Variants in CNTNAP3 observed in about 807,000 individuals in gnomAD.
CNTNAP3 encodes contactin associated protein family member 3.
CNTNAP3 carries 36 observed loss-of-function variants against 92.1 expected under a neutral mutation model. The ratio of observed to expected loss-of-function variants is 0.39; its 90% confidence interval spans 0.30 to 0.52. The LOEUF (loss-of-function observed/expected upper bound fraction) is 0.52, where lower values mean the gene tolerates loss of function less well. Ranked by LOEUF, CNTNAP3 falls within the 20% of genes least tolerant of loss-of-function variation. The probability of loss-of-function intolerance (pLI) is 0.76; values close to 1 mark genes in which losing one functional copy is unlikely to be tolerated. For synonymous variants in CNTNAP3, 232 were observed against 422.3 expected, an observed-to-expected ratio of 0.55 and a Z score of 5.53; for missense variants, 534 against 1,069.6, an observed-to-expected ratio of 0.50 and a Z score of 6.98.
chr9:39,097,887 A>G (rs1208497286), intron 18 of CNTNAP3, among the ~76,000 whole-genome samples: 2 of 150,980 alleles, frequency 1.3e-5, no homozygotes, highest in South Asian at 2.1e-4. Flanking sequence ...TTTTAAAATA[A>G]TAATTTTTAC....
intron 17 of CNTNAP3, among the ~76,000 whole-genome samples, chr9:39,101,559 G>A (rs1826455935): frequency 7.1e-6 from 1 of 141,002 alleles, no homozygotes; most frequent in Non-Finnish European, 1.6e-5. Context: ...AAGAACAGAT[G>A]AGCCAGACCA....
intron 13 of CNTNAP3, among the ~76,000 whole-genome samples, chr9:39,120,559 A>T (rs1820993720): frequency 6.6e-6 from 1 of 151,958 alleles, no homozygotes; most frequent in Non-Finnish European, 1.5e-5. Context: ...AGTCCCAGCT[A>T]CTCAGGAGGC....
intron 8 of CNTNAP3, among the ~76,000 whole-genome samples, chr9:39,168,018 TTTTG>T: frequency 6.8e-6 from 1 of 146,246 alleles, no homozygotes; most frequent in African/African-American, 2.6e-5. Context: ...TTTTTTTTGT[TTTTG>T]TTTTTTTTTT....
chr9:39,070,979 G>T lies in CNTNAP3; in HGVS notation c.*2911C>A, dbSNP rs1401580431. ...AGGCAGGAAGGTGGGCTTCTCTATG[G>T]ATTGAAGTTAAGAGAGAGAAGTGCC... On this transcript the variant is annotated 3_prime_UTR_variant, in exon 24 of 24. Coordinates refer to ENST00000297668, the MANE Select transcript of CNTNAP3 (RefSeq NM_033655.5). Among the ~76,000 whole-genome samples, 1 of 152,234 alleles carries T rather than the reference G, an allele frequency of 6.6e-6. No homozygotes were observed. Among genetic ancestry groups the T allele is most frequent in the Non-Finnish European group, 1.5e-5 (1 of 68,008 alleles).
rs758022327 is a variant in CNTNAP3, at chr9:39,133,070, T to C, written c.1942A>G (p.Ser648Gly). ...PDAVTLRGAP[S>G]GHPRSAVSFA... Reference sequence around the variant, plus strand: ...GACACAGCCGAGCGCGGGTGCCCGCTGGGGGCACCTCGGAGGGTCACCGCG... The same window carrying C: ...GACACAGCCGAGCGCGGGTGCCCGCCGGGGGCACCTCGGAGGGTCACCGCG... The change falls in exon 13 of 24, where the codon AGC becomes GGC. Residue 648 changes from serine (S) to glycine (G), a missense_variant. Transcript: ENST00000297668. The C allele has an allele frequency of 1.3e-6, 2 of 1,561,482 alleles. No individual in the cohort carries two copies. Among genetic ancestry groups the C allele is most frequent in the South Asian group, 2.3e-5 (2 of 85,820 alleles).
At chr9:39,124,542 A>G (rs1433862301) in intron 13 of CNTNAP3, among the ~76,000 whole-genome samples, 1 of 152,226 alleles carries the variant, frequency 6.6e-6, no homozygotes, top group African/African-American at 2.4e-5. Context: ...GGTTCTGCAC[A>G]GCAAAAGAAA....
chr9:39,109,759 T>G (rs1826697740), intron 14 of CNTNAP3, among the ~76,000 whole-genome samples: 1 of 152,144 alleles, frequency 6.6e-6, no homozygotes, highest in South Asian at 2.1e-4. Context: ...GGTTATCAAC[T>G]CCTGACCCGT....
chr9:39,122,083 G>A (rs576024510), intron 13 of CNTNAP3, among the ~76,000 whole-genome samples: 2,136 of 152,248 alleles, frequency 0.014, 29 homozygotes, highest in African/African-American at 0.045. Context: ...GGCCGGGCGC[G>A]GTGGCTCACG....
intron 21 of CNTNAP3, chr9:39,085,518 T>C (rs1164878491): frequency 1.8e-6 from 1 of 543,790 alleles, no homozygotes; most frequent in Admixed American, 3.2e-5. Context: ...AGAGGTTAAG[T>C]GTGGAGGTAT....
rs12686330 is a variant in CNTNAP3 at position 39,120,096 on chromosome 9, A to G, written c.2081-1837T>C. ...AAGACACAAACCCAGAGATTTAGGA[A>G]GTAAAGTTTAAGTCCAAAAAAGGAT... is the stretch of plus-strand genomic sequence containing the variant. On this transcript the variant is annotated intron_variant, in intron 13 of 23. Transcript: ENST00000297668. Among the ~76,000 whole-genome samples, 34 of 152,288 alleles carry G rather than the reference A, an allele frequency of 2.2e-4. 1 individual carries two copies. In the East Asian group the frequency reaches 5.0e-3, roughly 22 times the overall value.
At chr9:39,133,206 T>C (rs1219866930) in intron 12 of CNTNAP3, 71 bp from the exon 13 acceptor site, 1 of 1,478,106 alleles carries the variant, frequency 6.8e-7, no homozygotes, top group Non-Finnish European at 9.1e-7. Context: ...AAAGCAGACC[T>C]GTCTTTTATG....
At position 39,136,855 on chromosome 9, in the gene CNTNAP3, G is replaced by A. The variant is rs934419467; in HGVS notation, c.1876+3664C>T. Among the ~76,000 whole-genome samples the A allele has an allele frequency of 5.5e-4, 84 of 152,106 alleles. 4 individuals are homozygous for A. Among genetic ancestry groups the A allele is most frequent in the Non-Finnish European group, 1.9e-4 (13 of 68,008 alleles). On this transcript the variant is annotated intron_variant, in intron 12 of 23. Transcript: ENST00000297668. Reference sequence around the variant, plus strand: ...GGCGGAGTTGTGGTGAGCCAAGATCGTACCATTGCACTCCAGCCTGGGCAA... The same window carrying A: ...GGCGGAGTTGTGGTGAGCCAAGATCATACCATTGCACTCCAGCCTGGGCAA...
intron 14 of CNTNAP3, among the ~76,000 whole-genome samples, chr9:39,116,709 T>G (rs1304916356): frequency 6.6e-6 from 1 of 152,098 alleles, no homozygotes; most frequent in African/African-American, 2.4e-5. Context: ...TATGATCATT[T>G]AGTAATTTTG....
chr9:39,114,725 T>C (rs1443427900), intron 14 of CNTNAP3, among the ~76,000 whole-genome samples: 2 of 152,166 alleles, frequency 1.3e-5, no homozygotes, highest in African/African-American at 4.8e-5. Flanking sequence ...CTTGTATGCA[T>C]TTAAACCATC....
rs1825657346 is a variant in CNTNAP3 at position 39,072,786 on chromosome 9, T to TTA, written c.*1103_*1104insTA. 1 of 152,222 alleles carries TTA rather than the reference T, an allele frequency of 6.6e-6. No individual in the cohort carries two copies. The allele number at this position is 152,222 out of a possible 1,614,324, so 9.4% of individuals were successfully genotyped here. A position where few individuals can be genotyped will look rare whatever the true frequency, so the allele number is the denominator to read the frequency against. On this transcript the variant is annotated 3_prime_UTR_variant, in exon 24 of 24. Coordinates refer to ENST00000297668, the MANE Select transcript of CNTNAP3 (RefSeq NM_033655.5). ...GTGATCTTCAGTTAAGCTATTTTTTTAATAAATTGAAAAGATGTTCTGTAC... is the reference window on the plus strand; with the variant it reads ...GTGATCTTCAGTTAAGCTATTTTTTTTAAATAAATTGAAAAGATGTTCTGTAC...
chr9:39,083,273 C>T (rs897781166), intron 21 of CNTNAP3, among the ~76,000 whole-genome samples: 1 of 152,092 alleles, frequency 6.6e-6, no homozygotes, highest in Non-Finnish European at 1.5e-5. Context: ...CAACTGTTTA[C>T]AGGCTAATTT....
chr9:39,081,825 T>C (rs1825944808), intron 21 of CNTNAP3, among the ~76,000 whole-genome samples: 1 of 150,714 alleles, frequency 6.6e-6, no homozygotes, highest in Non-Finnish European at 1.5e-5. Context: ...ATGCCTGTAA[T>C]CCCAGCACTT....
intron 12 of CNTNAP3, among the ~76,000 whole-genome samples, chr9:39,137,869 C>CT (rs1168084516): frequency 2.0e-5 from 3 of 151,648 alleles, no homozygotes; most frequent in African/African-American, 4.8e-5. Flanking sequence ...TTTTCTTTTT[C>CT]TTTTTTTGGA....
intron 21 of CNTNAP3, among the ~76,000 whole-genome samples, chr9:39,081,706 TA>T (rs1456855608): frequency 6.6e-6 from 1 of 151,750 alleles, no homozygotes; most frequent in Non-Finnish European, 1.5e-5. Context: ...TTGGTTGAAC[TA>T]AAGGAAAAAA....
Sources: gnomAD v4.1 joint callset for allele counts (sites outside exome capture counted in the v4.1 genomes callset) on GRCh38, gnomAD v4.1.1 for gene constraint, MANE v1.5 for transcripts, NCBI Gene and HGNC (gene_info 2026-07-23, HGNC 2026-07-21) for gene names.